KAZN: variants seen among roughly 807,000 people sequenced by gnomAD.
KAZN encodes the protein kazrin, periplakin interacting protein, also known as kazrin.
KAZN carries 40 observed loss-of-function variants against 87.4 expected under a neutral mutation model. The ratio of observed to expected loss-of-function variants is 0.46; its 90% CI spans 0.36 to 0.60. The LOEUF (loss-of-function observed/expected upper bound fraction) is 0.60. Among genes scored for constraint, KAZN ranks in the 20% least tolerant of loss-of-function variants. KAZN has a pLI of 0.00. For synonymous variants in KAZN, 466 were observed against 458.3 expected, an observed-to-expected ratio of 1.02 and a Z score of -0.22; for missense variants, 898 against 1,073.9, an observed-to-expected ratio of 0.84 and a Z score of 2.29.
chr1:14,696,509 G>A (rs1268588680), intron 1 of KAZN, among the ~76,000 whole-genome samples: 1 of 152,218 alleles, frequency 6.6e-6, no homozygotes, highest in Non-Finnish European at 1.5e-5. Flanking sequence ...AGATGGGCAG[G>A]AAGAAGCCAG....
chr1:14,687,199 G>GC, intron 1 of KAZN, among the ~76,000 whole-genome samples: 1 of 152,150 alleles, frequency 6.6e-6, no homozygotes, highest in Non-Finnish European at 1.5e-5. Flanking sequence ...TAAAATGGCA[G>GC]CCCCCATAAG....
intron 1 of KAZN, among the ~76,000 whole-genome samples, chr1:13,968,242 C>A (rs965478251): frequency 1.3e-5 from 2 of 152,096 alleles, no homozygotes; most frequent in Non-Finnish European, 2.9e-5. Context: ...TGCAAGGCCA[C>A]CACTGAGGGA....
chr1:14,150,609 C>T (rs10803464), intron 1 of KAZN, among the ~76,000 whole-genome samples: 31,731 of 152,102 alleles, frequency 0.21, 4,096 homozygotes, highest in East Asian at 0.6. Flanking sequence ...GTTAATTGAA[C>T]TAGGCCTGGG....
chr1:14,517,733 A>G (rs1671372081), intron 2 of KAZN, among the ~76,000 whole-genome samples: 1 of 152,220 alleles, frequency 6.6e-6, no homozygotes, highest in African/African-American at 2.4e-5. Flanking sequence ...CTCTTTTTAA[A>G]GGGCAGTTCT....
chr1:14,117,439 A>G (rs1010999920), intron 1 of KAZN, among the ~76,000 whole-genome samples: 2 of 152,120 alleles, frequency 1.3e-5, no homozygotes, highest in Non-Finnish European at 2.9e-5. Flanking sequence ...TTCCGCCATG[A>G]TTGTGAGGCC....
chr1:14,872,923 G>C (rs981850056), intron 1 of KAZN, among the ~76,000 whole-genome samples: 1 of 136,380 alleles, frequency 7.3e-6, no homozygotes, highest in Non-Finnish European at 1.6e-5. Flanking sequence ...TGGGTGGATG[G>C]ATGGATGGAT....
intron 1 of KAZN, among the ~76,000 whole-genome samples, chr1:14,144,839 G>T (rs551602349): frequency 6.6e-6 from 1 of 152,184 alleles, no homozygotes. Flanking sequence ...CAGCACTCTT[G>T]CAGGAACTAA....
intron 2 of KAZN, among the ~76,000 whole-genome samples, chr1:14,294,299 T>A (rs1012650463): frequency 8.5e-5 from 13 of 152,122 alleles, no homozygotes; most frequent in Non-Finnish European, 1.5e-4. Flanking sequence ...ATAGACCTGC[T>A]TTTCCCTACT....
chr1:14,249,750 G>A (rs147508269), intron 2 of KAZN, among the ~76,000 whole-genome samples: 2 of 152,264 alleles, frequency 1.3e-5, no homozygotes, highest in East Asian at 3.9e-4. Context: ...GTCCCTGATT[G>A]GCCAGGTGGG....
chr1:15,007,056 CAAAAAA>C (rs35245453), intron 2 of KAZN, among the ~76,000 whole-genome samples: 14 of 67,902 alleles, frequency 2.1e-4, no homozygotes, highest in South Asian at 6.4e-4. Flanking sequence ...GACTCCGTCT[CAAAAAA>C]AAAAAAAAAA....
Position 15,035,147 on chromosome 1 carries a change from C to T in KAZN, c.555+262C>T, listed in dbSNP as rs139400732. Among the ~76,000 whole-genome samples the T allele has an allele frequency of 4.1e-3, 624 of 152,176 alleles. 6 individuals are homozygous for T. Among genetic ancestry groups the T allele is most frequent in the African/African-American group, 0.014 (588 of 41,514 alleles). On this transcript the variant is annotated intron_variant, in intron 3 of 14. Transcript: ENST00000376030. ...TCCTGGCTCCTTGTGTGTGTGCCCT[C>T]GCAGGTCTCGCTTGACCTCTCAGAG...
At chr1:14,070,372 T>C (rs1643203009) in intron 1 of KAZN, among the ~76,000 whole-genome samples, 2 of 151,950 alleles carry the variant, frequency 1.3e-5, no homozygotes, top group South Asian at 4.2e-4. Flanking sequence ...AGAAAATACA[T>C]ACAGAAAAGA....
intron 1 of KAZN, among the ~76,000 whole-genome samples, chr1:14,102,700 C>T (rs1262423166): frequency 6.6e-6 from 1 of 152,090 alleles, no homozygotes; most frequent in African/African-American, 2.4e-5. Context: ...CGTGTATTAG[C>T]TCTTATGGCT....
chr1:14,331,382 T>C (rs979970624), intron 2 of KAZN, among the ~76,000 whole-genome samples: 1 of 152,168 alleles, frequency 6.6e-6, no homozygotes, highest in Non-Finnish European at 1.5e-5. Flanking sequence ...TCTATCCTCA[T>C]ATGAGCAGGA....
chr1:14,351,257 G>T (rs1386814923), intron 2 of KAZN, among the ~76,000 whole-genome samples: 2 of 152,184 alleles, frequency 1.3e-5, no homozygotes, highest in Non-Finnish European at 2.9e-5. Flanking sequence ...AGAAACTTGG[G>T]ATATTTTAAT....
intron 1 of KAZN, among the ~76,000 whole-genome samples, chr1:14,126,636 T>TAA (rs70997115): frequency 1.1e-4 from 17 of 150,714 alleles, no homozygotes; most frequent in East Asian, 3.9e-4. Context: ...ATGATAATAA[T>TAA]AAAAAAAAAT....
At chr1:14,333,075 C>T (rs1656968690) in intron 2 of KAZN, among the ~76,000 whole-genome samples, 1 of 151,960 alleles carries the variant, frequency 6.6e-6, no homozygotes, top group Non-Finnish European at 1.5e-5. Context: ...TGTGATGTTC[C>T]CCTCCCTGTG....
At chr1:15,082,798 T>C (rs1053674068) in intron 8 of KAZN, among the ~76,000 whole-genome samples, 7 of 152,220 alleles carry the variant, frequency 4.6e-5, no homozygotes, top group East Asian at 1.9e-4. Flanking sequence ...GTTCAAGCGA[T>C]TCTCATGCCT....
At chr1:14,632,656 C>T (rs973393273) in intron 1 of KAZN, among the ~76,000 whole-genome samples, 1 of 150,554 alleles carries the variant, frequency 6.6e-6, no homozygotes, top group Non-Finnish European at 1.5e-5. Context: ...CTCCTTTCTT[C>T]CAAATGAACT....
Sources: allele counts gnomAD v4.1 joint callset (sites outside exome capture counted in the v4.1 genomes callset), GRCh38; gene constraint gnomAD v4.1.1; transcripts MANE v1.5; gene names NCBI Gene and HGNC (gene_info 2026-07-23, HGNC 2026-07-21).